CHD9: variants seen among roughly 807,000 people sequenced by gnomAD.
The protein encoded by CHD9 is chromodomain helicase DNA binding protein 9, also known as ATP-dependent chromatin remodeler CHD9.
A neutral mutation model predicts 316.1 loss-of-function variants in CHD9; 77 were observed. That is an observed-to-expected ratio of 0.24 (90% CI 0.20 to 0.29). The LOEUF is 0.29. CHD9 is among the 10% of genes least tolerant of loss of function. The pLI is 1.00. For missense variants in CHD9, 2,763 were observed against 3,438.1 expected (o/e 0.80, Z 4.91); for synonymous variants, 1,129 against 1,158.3 (o/e 0.97, Z 0.51).
At chr16:53,101,026 C>T (rs1426931096) in intron 1 of CHD9, among the ~76,000 whole-genome samples, 1 of 152,126 alleles carries the variant, frequency 6.6e-6, no homozygotes, top group Non-Finnish European at 1.5e-5. Flanking sequence ...GTTCACTGTG[C>T]TCATGATAGA....
At chr16:53,148,514 C>T (rs2040826156) in intron 1 of CHD9, among the ~76,000 whole-genome samples, 1 of 152,248 alleles carries the variant, frequency 6.6e-6, no homozygotes, top group African/African-American at 2.4e-5. Flanking sequence ...TTCTCCAACA[C>T]TTGTTGTTTA....
intron 2 of CHD9, among the ~76,000 whole-genome samples, chr16:53,172,621 A>G (rs12931541): frequency 0.13 from 19,386 of 152,166 alleles, 1,380 homozygotes; most frequent in South Asian, 0.23. Context: ...GTACCATTTT[A>G]CATTTCCTCT....
intron 3 of CHD9, among the ~76,000 whole-genome samples, chr16:53,212,418 A>G (rs1021292220): frequency 2.0e-5 from 3 of 151,984 alleles, no homozygotes; most frequent in African/African-American, 7.3e-5. Context: ...AAAAAAAAAA[A>G]AATTTTTTTT....
chr16:53,136,886 G>GATT (rs2039755105), intron 1 of CHD9, among the ~76,000 whole-genome samples: 1 of 152,186 alleles, frequency 6.6e-6, no homozygotes, highest in Admixed American at 6.6e-5. Context: ...AAAAACCATA[G>GATT]ATTAGGTCTG....
At chr16:53,192,338 C>G (rs986721837) in intron 2 of CHD9, among the ~76,000 whole-genome samples, 1 of 152,156 alleles carries the variant, frequency 6.6e-6, no homozygotes, top group Non-Finnish European at 1.5e-5. Context: ...ACTTAAATAA[C>G]AGTCATAGGA....
intron 1 of CHD9, chr16:53,121,478 T>C (rs1313353364): frequency 8.8e-6 from 4 of 454,738 alleles, no homozygotes; most frequent in East Asian, 7.0e-5. Flanking sequence ...AGATTTGAAC[T>C]GTAAAGTAGG....
chr16:53,277,534 G>A (rs183729647), intron 24 of CHD9, among the ~76,000 whole-genome samples: 54 of 152,188 alleles, frequency 3.5e-4, no homozygotes, highest in African/African-American at 1.2e-3. Flanking sequence ...AGCATTTGAC[G>A]AAATCCAGCA....
At chr16:53,296,434 ATTTTT>A (rs35618799) in intron 29 of CHD9, among the ~76,000 whole-genome samples, 150 of 101,756 alleles carry the variant, frequency 1.5e-3, no homozygotes, top group African/African-American at 5.7e-3. Context: ...TTAAAAGTAA[ATTTTT>A]TTTTTTTTTT....
At chr16:53,289,397 G>C (rs1409892489) in intron 27 of CHD9, among the ~76,000 whole-genome samples, 1 of 151,964 alleles carries the variant, frequency 6.6e-6, no homozygotes, top group Non-Finnish European at 1.5e-5. Flanking sequence ...TCTAAAAAAA[G>C]AGAGAGAGAA....
chr16:53,174,178 G>C (rs1324927741), intron 2 of CHD9, among the ~76,000 whole-genome samples: 1 of 152,166 alleles, frequency 6.6e-6, no homozygotes, highest in Non-Finnish European at 1.5e-5. Context: ...CAGCTCCTCA[G>C]GTGGCTGAGG....
intron 2 of CHD9, among the ~76,000 whole-genome samples, chr16:53,170,058 T>G (rs2042581809): frequency 6.7e-6 from 1 of 150,242 alleles, no homozygotes; most frequent in Non-Finnish European, 1.5e-5. Flanking sequence ...TGTTTTTTTT[T>G]GTTTGTTTTT....
intron 24 of CHD9, among the ~76,000 whole-genome samples, chr16:53,276,054 C>T (rs2052779190): frequency 6.6e-6 from 1 of 152,212 alleles, no homozygotes. Context: ...CCAATCTCAT[C>T]ACGATGTCCC....
At position 53,172,856 on chromosome 16, in the gene CHD9, C is replaced by A. The variant is rs561566535; in HGVS notation, c.1452+15315C>A. 2.6e-5 allele frequency among the ~76,000 whole-genome samples: 4 copies of A among 152,070 alleles called. No individual in the cohort carries two copies. The South Asian group carries it at 8.3e-4, about 31-fold the overall frequency. On this transcript the variant is annotated intron_variant, in intron 2 of 38. Transcript: ENST00000447540. ...AGTCCCTGAAATTTTTGCCCACTTA[C>A]AAAATTGGGTTGTTTGATTTGTTAT...
chr16:53,149,576 ATTTT>A (rs199516824), intron 1 of CHD9, among the ~76,000 whole-genome samples: 1 of 130,944 alleles, frequency 7.6e-6, no homozygotes. Flanking sequence ...GTACCCAGCC[ATTTT>A]TTTTTTTTTT....
At position 53,078,628 on chromosome 16, in the gene CHD9, C is replaced by A. The variant is rs35202586; in HGVS notation, c.-165+23551C>A. Among the ~76,000 whole-genome samples the A allele has an allele frequency of 1.9e-3, 293 of 152,282 alleles. 3 individuals are homozygous for A. The highest frequency in any genetic ancestry group is 6.5e-3 in the African/African-American group (269 of 41,562). On this transcript the variant is annotated intron_variant, in intron 1 of 38. Transcript: ENST00000447540. ...TTTTCCTGCCTGTGCCCATAATAAT[C>A]TTTTAAAAGAAAATAAAATGAGCCA...
At chr16:53,250,621 T>C (rs2050048144) in intron 17 of CHD9, 2 of 152,246 alleles carry the variant, frequency 1.3e-5, no homozygotes, top group Non-Finnish European at 2.9e-5. Flanking sequence ...TAATATAGTA[T>C]GCTTTTTTAA....
At chr16:53,137,749 T>A (rs1294408370) in intron 1 of CHD9, among the ~76,000 whole-genome samples, 1 of 152,228 alleles carries the variant, frequency 6.6e-6, no homozygotes, top group Non-Finnish European at 1.5e-5. Flanking sequence ...ACCCATGTTG[T>A]ACCTGTTGGA....
rs551532794 is a variant in CHD9, at chr16:53,151,966, GTA to G, written c.-164-3958_-164-3957del. Among the ~76,000 whole-genome samples, 404 of 134,290 alleles carry G rather than the reference GTA, an allele frequency of 3.0e-3. 2 individuals are homozygous for G. The highest frequency in any genetic ancestry group is 9.9e-3 in the African/African-American group (355 of 35,970). 88.1% of individuals were successfully genotyped at this position (134,290 alleles called of 152,430 possible). A position where few individuals can be genotyped will look rare whatever the true frequency, so the allele number is the denominator to read the frequency against. On this transcript the variant is annotated intron_variant, in intron 1 of 38. Transcript: ENST00000447540. ...TTCTTATTCTTTGTATGCTTTCAGG[GTA>G]TGTGTGTGTGTGTGTGTGTGTGTGT...
chr16:53,192,651 C>T (rs1460632104), intron 2 of CHD9, among the ~76,000 whole-genome samples: 1 of 152,166 alleles, frequency 6.6e-6, no homozygotes, highest in Admixed American at 6.5e-5. Flanking sequence ...CTCAGTCTTT[C>T]CCCTAACCCT....
Sources: gnomAD v4.1 joint callset for allele counts (sites outside exome capture counted in the v4.1 genomes callset) on GRCh38, gnomAD v4.1.1 for gene constraint, MANE v1.5 for transcripts, NCBI Gene and HGNC (gene_info 2026-07-23, HGNC 2026-07-21) for gene names.